TMEFF2: variants seen among roughly 807,000 people sequenced by gnomAD.
TMEFF2 encodes the protein transmembrane protein with EGF like and two follistatin like domains 2.
Under a neutral mutation model 53.8 loss-of-function variants are expected in TMEFF2, and 28 were observed. The ratio of observed to expected loss-of-function variants is 0.52; its 90% CI spans 0.39 to 0.71. TMEFF2 has a LOEUF of 0.71. Among genes scored for constraint, TMEFF2 ranks in the 30% least tolerant of loss-of-function variants. TMEFF2 has a pLI of 0.00. For missense variants in TMEFF2, 353 were observed against 455.2 expected (o/e 0.78, Z 2.04); for synonymous variants, 162 against 166.3 (o/e 0.97, Z 0.20).
intron 5 of TMEFF2, among the ~76,000 whole-genome samples, chr2:192,045,155 T>C (rs1461720799): frequency 2.6e-5 from 4 of 152,212 alleles, no homozygotes; most frequent in Non-Finnish European, 5.9e-5. Context: ...CTGCATGATA[T>C]ACAGCTACCA....
intron 4 of TMEFF2, among the ~76,000 whole-genome samples, chr2:192,172,132 C>T (rs1464222381): frequency 2.0e-5 from 3 of 151,884 alleles, no homozygotes; most frequent in Non-Finnish European, 4.4e-5. Context: ...AAAAGCTCAG[C>T]CCTGCTTTTC....
intron 4 of TMEFF2, among the ~76,000 whole-genome samples, chr2:192,164,275 C>T (rs916921723): frequency 6.6e-6 from 1 of 152,270 alleles, no homozygotes; most frequent in East Asian, 1.9e-4. Context: ...TTCACTAAGG[C>T]ATCCCTTAGG....
At chr2:191,964,277 T>C (rs909917439) in intron 7 of TMEFF2, among the ~76,000 whole-genome samples, 8 of 147,172 alleles carry the variant, frequency 5.4e-5, no homozygotes, top group Non-Finnish European at 1.0e-4. Context: ...TTCTTTTTTC[T>C]TTTCCTTTTC....
Position 192,150,251 on chromosome 2 carries a change from G to T in TMEFF2, c.439+29417C>A, listed in dbSNP as rs13411925. ...TACAAACAAGGATAGTGACACACAA[G>T]AATTGTTATTAAAATAATCAGGCTG... On this transcript the variant is annotated intron_variant, in intron 4 of 9. Transcript: ENST00000272771. Among the ~76,000 whole-genome samples, 787 of 151,952 alleles carry T rather than the reference G, an allele frequency of 5.2e-3. 6 individuals carry two copies. The highest frequency in any genetic ancestry group is 0.018 in the African/African-American group (750 of 41,500).
At chr2:192,058,595 T>A (rs1443442499) in intron 4 of TMEFF2, among the ~76,000 whole-genome samples, 11 of 152,156 alleles carry the variant, frequency 7.2e-5, no homozygotes, top group Non-Finnish European at 1.5e-4. Context: ...AAATTTCTAG[T>A]ATTTGAGTAC....
chr2:191,996,773 G>GTATT (rs1267422188), intron 7 of TMEFF2, among the ~76,000 whole-genome samples: 5 of 151,564 alleles, frequency 3.3e-5, no homozygotes, highest in Admixed American at 6.6e-5. Context: ...GCATGCTAAA[G>GTATT]TATTTGTGAA....
At chr2:191,953,030 C>T (rs926751656) in intron 9 of TMEFF2, among the ~76,000 whole-genome samples, 2 of 152,142 alleles carry the variant, frequency 1.3e-5, no homozygotes, top group African/African-American at 4.8e-5. Flanking sequence ...GCTTGAAGTC[C>T]AATTCTTGGT....
intron 5 of TMEFF2, among the ~76,000 whole-genome samples, chr2:192,027,372 A>G (rs957054422): frequency 5.9e-5 from 9 of 152,218 alleles, no homozygotes; most frequent in Admixed American, 5.9e-4. Context: ...TATATTACAT[A>G]TGATAAAGGC....
rs574865170 is a variant in TMEFF2, at chr2:192,194,589, G to A, written c.-65C>T. The A allele has an allele frequency of 5.1e-6, 8 of 1,563,964 alleles. No individual in the cohort carries two copies. The South Asian group carries it at 7.0e-5, about 14-fold the overall frequency. On this transcript the variant is annotated 5_prime_UTR_variant, in exon 1 of 10. Transcript: ENST00000272771. This position sits in a 1 kb window ranked among gnomAD's most constrained non-coding sequence, Gnocchi z 4.2. The stretch of plus-strand genomic sequence containing the variant: ...AGGAACACAGGATCGCGGGGGCCGG[G>A]CAGCGGGCTACTGAGCATCCCGCGG...
chr2:192,014,545 C>T (rs371984183), intron 5 of TMEFF2, among the ~76,000 whole-genome samples: 10 of 152,270 alleles, frequency 6.6e-5, no homozygotes, highest in African/African-American at 2.4e-4. Context: ...AAATATGACT[C>T]AATATTTATT....
Position 192,027,868 on chromosome 2 carries a change from A to T in TMEFF2, c.537-28660T>A, listed in dbSNP as rs1247302484. Reference sequence around the variant, plus strand: ...CTCCTCCCCTTGCCACCTTGTTCACATAGATGGTTCTCAGTGCCTCATGAG... The same window carrying T: ...CTCCTCCCCTTGCCACCTTGTTCACTTAGATGGTTCTCAGTGCCTCATGAG... On this transcript the variant is annotated intron_variant, in intron 5 of 9. Coordinates refer to ENST00000272771, the MANE Select transcript of TMEFF2 (RefSeq NM_016192.4). The T allele has an allele frequency of 4.6e-5, 7 of 152,360 alleles. No individual in the cohort carries two copies. The East Asian group carries it at 1.4e-3, about 29-fold the overall frequency. 9.4% of individuals were successfully genotyped at this position (152,360 alleles called of 1,614,324 possible). A position where few individuals can be genotyped will look rare whatever the true frequency, so the allele number is the denominator to read the frequency against.
At chr2:192,089,949 A>G (rs1688753916) in intron 4 of TMEFF2, among the ~76,000 whole-genome samples, 2 of 152,174 alleles carry the variant, frequency 1.3e-5, no homozygotes, top group South Asian at 4.1e-4. Flanking sequence ...TTCCCTATGT[A>G]AGATGACTTC....
At chr2:192,193,353 C>G (rs10497728) in intron 1 of TMEFF2, among the ~76,000 whole-genome samples, 12,341 of 152,238 alleles carry the variant, frequency 0.081, 622 homozygotes, top group Non-Finnish European at 0.11. Context: ...TACAGGCTGT[C>G]AAACCGAAAT....
At chr2:192,166,649 G>C (rs542567229) in intron 4 of TMEFF2, among the ~76,000 whole-genome samples, 10 of 152,086 alleles carry the variant, frequency 6.6e-5, no homozygotes, top group Admixed American at 2.6e-4. Context: ...TACAATACTA[G>C]ACCATTCCTC....
At chr2:192,147,267 G>A (rs1171488399) in intron 4 of TMEFF2, among the ~76,000 whole-genome samples, 1 of 151,966 alleles carries the variant, frequency 6.6e-6, no homozygotes, top group Admixed American at 6.6e-5. Flanking sequence ...GCTAGAAGTA[G>A]CAGACAGTAG....
intron 4 of TMEFF2, among the ~76,000 whole-genome samples, chr2:192,078,146 T>A (rs1046523618): frequency 6.6e-6 from 1 of 152,176 alleles, no homozygotes; most frequent in Non-Finnish European, 1.5e-5. Context: ...TGATGGGTTC[T>A]GGATGACTGA....
chr2:192,179,168 T>C (rs1435746395), intron 4 of TMEFF2: 1 of 151,564 alleles, frequency 6.6e-6, no homozygotes, highest in East Asian at 1.9e-4. Context: ...TCATTGGACT[T>C]CATTTTATCT....
chr2:192,187,557 A>C (rs1559163800), intron 2 of TMEFF2, among the ~76,000 whole-genome samples: 1 of 152,214 alleles, frequency 6.6e-6, no homozygotes, highest in Non-Finnish European at 1.5e-5. Flanking sequence ...TTTCAGATGA[A>C]GGGACGGACT....
chr2:192,065,045 G>T (rs1363850406), intron 4 of TMEFF2, among the ~76,000 whole-genome samples: 1 of 151,806 alleles, frequency 6.6e-6, no homozygotes, highest in Admixed American at 6.6e-5. Context: ...ACTTTCCACA[G>T]TTCAGATTTT....
Sources: gnomAD v4.1 joint callset for allele counts (sites outside exome capture counted in the v4.1 genomes callset) on GRCh38, gnomAD v4.1.1 for gene constraint, Gnocchi (gnomAD v3.1) non-coding constraint, MANE v1.5 for transcripts, NCBI Gene and HGNC (gene_info 2026-07-23, HGNC 2026-07-21) for gene names.